P2RX7: variants seen among roughly 807,000 people sequenced by gnomAD.
P2RX7 encodes P2X purinoceptor 7.
Under a neutral mutation model 71.6 loss-of-function variants are expected in P2RX7, and 62 were observed. That is an observed-to-expected ratio of 0.87 (90% CI 0.71 to 1.07). P2RX7 has a LOEUF of 1.07. Ranked by LOEUF, P2RX7 falls within the 50% of genes least tolerant of loss-of-function variation. P2RX7 has a pLI of 0.00. For missense variants in P2RX7, 686 were observed against 748.5 expected, an observed-to-expected ratio of 0.92 and a Z score of 0.97; for synonymous variants, 299 against 283.3, an observed-to-expected ratio of 1.06 and a Z score of -0.56.
rs764303941 is a variant in P2RX7 at position 121,165,404 on chromosome 12, A to T, written c.581A>T (p.Asn194Ile). The T allele has an allele frequency of 1.9e-6, 3 of 1,614,012 alleles. No homozygotes were observed. The highest frequency in any genetic ancestry group is 2.7e-5 in the African/African-American group (2 of 74,922). Residue 194 changes from asparagine (N) to isoleucine (I), a missense_variant, in exon 6 of 13, where the codon AAC (asparagine) becomes ATC (isoleucine). Coordinates refer to ENST00000328963, the MANE Select transcript of P2RX7 (RefSeq NM_002562.6). ...SAENFTVLIK[N>I]NIDFPGHNYT... ...GAAAACTTCACTGTGCTCATCAAGA[A>T]CAATATCGACTTCCCCGGCCACAAC...
intron 1 of P2RX7, among the ~76,000 whole-genome samples, chr12:121,147,094 T>C (rs1876354227): frequency 6.6e-6 from 1 of 152,200 alleles, no homozygotes; most frequent in Non-Finnish European, 1.5e-5. Context: ...ATTAATTGTG[T>C]GGGTTTTTTT....
intron 5 of P2RX7, among the ~76,000 whole-genome samples, chr12:121,163,936 T>TG (rs1379969814): frequency 6.6e-6 from 1 of 152,086 alleles, no homozygotes; most frequent in African/African-American, 2.4e-5. Context: ...AATGCCGGGA[T>TG]GGGGGGTGCG....
intron 1 of P2RX7, among the ~76,000 whole-genome samples, chr12:121,151,429 G>A (rs1317169997): frequency 6.6e-6 from 1 of 151,934 alleles, no homozygotes; most frequent in Middle Eastern, 3.2e-3. Flanking sequence ...TAGAGACGGG[G>A]TTTGGCCAGG....
Position 121,174,512 on chromosome 12 carries a change from C to A in P2RX7, c.882-876C>A, listed in dbSNP as rs546967749. On this transcript the variant is annotated intron_variant, in intron 8 of 12. Coordinates refer to ENST00000328963, the MANE Select transcript of P2RX7 (RefSeq NM_002562.6). ...CTCCAACCTGGGTGACAGAACAAGA[C>A]CCCACCTCAAAACAAAACAAAACAA... is the stretch of plus-strand genomic sequence containing the variant. Among the ~76,000 whole-genome samples, 3 of 152,136 alleles carry A rather than the reference C, an allele frequency of 2.0e-5. No individual in the cohort carries two copies. The East Asian group carries it at 5.8e-4, about 29-fold the overall frequency.
rs1212646520 is a variant in P2RX7 at position 121,167,574 on chromosome 12, C to A, written c.831C>A (p.Arg277=). The A allele has an allele frequency of 1.1e-5, 18 of 1,611,928 alleles. No homozygotes were observed. The highest frequency in any genetic ancestry group is 1.5e-5 in the Non-Finnish European group (18 of 1,178,964). The change falls in exon 8 of 13, where the codon CGC becomes CGA. Residue 277 remains arginine, a synonymous_variant. Transcript: ENST00000328963. ...HHCRPKYSFR[R]LDDKTTNVSL... is the part of the protein sequence containing the mutation. ...GCCGTCCCAAATACAGTTTCCGTCG[C>A]CTTGACGACAAGACCACCAACGTGT...
intron 1 of P2RX7, among the ~76,000 whole-genome samples, chr12:121,138,541 G>A (rs922547062): frequency 4.6e-5 from 7 of 152,244 alleles, no homozygotes; most frequent in African/African-American, 1.7e-4. Context: ...AGCCGTGTGA[G>A]CCCTACGTGA....
chr12:121,154,726 T>G lies in P2RX7; in HGVS notation c.126-59T>G. On this transcript the variant is annotated intron_variant, in intron 1 of 12. Coordinates refer to ENST00000328963, the MANE Select transcript of P2RX7 (RefSeq NM_002562.6). The surrounding 1 kb of genome is among the most constrained non-coding windows in gnomAD (Gnocchi z 4.2). Reference sequence around the variant, plus strand: ...AGAAGTGCCTGCATCCTCCAACGCCTGCATCCCAACCCGCTGTGCTATGCC... The same window carrying G: ...AGAAGTGCCTGCATCCTCCAACGCCGGCATCCCAACCCGCTGTGCTATGCC... 2 of 1,140,630 alleles carry G rather than the reference T, an allele frequency of 1.8e-6. No individual in the cohort carries two copies. Among genetic ancestry groups the G allele is most frequent in the South Asian group, 2.4e-5 (2 of 81,776 alleles). 70.7% of individuals were successfully genotyped at this position (1,140,630 alleles called of 1,614,324 possible).
At chr12:121,162,716 T>G (rs1880002845) in intron 5 of P2RX7, among the ~76,000 whole-genome samples, 196 bp downstream of exon 5, 1 of 152,138 alleles carries the variant, frequency 6.6e-6, no homozygotes, top group African/African-American at 2.4e-5. Context: ...GTTGGTAAAC[T>G]GTTGTAACAC....
At position 121,149,573 on chromosome 12, in the gene P2RX7, C is replaced by T. The variant is rs1027192456; in HGVS notation, c.126-5212C>T. On this transcript the variant is annotated intron_variant, in intron 1 of 12. Coordinates refer to ENST00000328963, the MANE Select transcript of P2RX7 (RefSeq NM_002562.6). This position sits in a 1 kb window ranked among gnomAD's most constrained non-coding sequence, Gnocchi z 4.7. ...TATCACGAGAACAGTATGGGGGAAA[C>T]TGCCCCCATGATTCAATTATCTCCC... Among the ~76,000 whole-genome samples the T allele has an allele frequency of 5.3e-5, 8 of 152,150 alleles. No homozygotes were observed. Among genetic ancestry groups the T allele is most frequent in the Admixed American group, 1.3e-4 (2 of 15,276 alleles).
At chr12:121,156,994 C>T (rs907327783) in intron 3 of P2RX7, among the ~76,000 whole-genome samples, 1 of 152,146 alleles carries the variant, frequency 6.6e-6, no homozygotes, top group African/African-American at 2.4e-5. Flanking sequence ...TCTCTAAAAA[C>T]AAAACAAAAC....
chr12:121,154,812 C>G lies in P2RX7; in HGVS notation c.153C>G (p.Tyr51Ter). The G allele has an allele frequency of 6.2e-7, 1 of 1,613,748 alleles. No individual in the cohort carries two copies. Residue 51 changes from tyrosine to a stop codon, truncating the protein, a stop_gained, in exon 2 of 13, where the codon TAC (tyrosine) becomes TAG (stop). Transcript: ENST00000328963. LOFTEE classifies it high-confidence loss of function. This position sits in a 1 kb window ranked among gnomAD's most constrained non-coding sequence, Gnocchi z 4.2. ...VCFALVSDKL[Y>*]QRKEPVISSV... Reference sequence around the variant, plus strand: ...TTGCTCTGGTGAGTGACAAGCTGTACCAGCGGAAAGAGCCTGTCATCAGTT... The same window carrying G: ...TTGCTCTGGTGAGTGACAAGCTGTAGCAGCGGAAAGAGCCTGTCATCAGTT...
chr12:121,177,149 A>T lies in P2RX7; in HGVS notation c.975A>T (p.Gly325=). 1 of 1,613,990 alleles carries T rather than the reference A, an allele frequency of 6.2e-7. No homozygotes were observed. Among genetic ancestry groups the T allele is most frequent in the Non-Finnish European group, 8.5e-7 (1 of 1,179,852 alleles). Residue 325 remains glycine (G), a splice_region_variant and synonymous_variant, in exon 10 of 13, where the codon GGA becomes GGT. Coordinates refer to ENST00000328963, the MANE Select transcript of P2RX7 (RefSeq NM_002562.6). ...AAACTCTCCCACTCTGTTTTTAGGG[A>T]GGAAAATTTGACATTATCCAGCTGG... ...IRFDILVFGT[G]GKFDIIQLVV...
chr12:121,166,579 C>T (rs572579977), intron 7 of P2RX7, among the ~76,000 whole-genome samples: 14 of 152,262 alleles, frequency 9.2e-5, no homozygotes, highest in Non-Finnish European at 2.1e-4. Context: ...AGCTGCATTC[C>T]TTGCATTTCT....
intron 1 of P2RX7, among the ~76,000 whole-genome samples, chr12:121,150,228 G>A (rs757194656): frequency 1.7e-4 from 26 of 152,120 alleles, no homozygotes; most frequent in Non-Finnish European, 1.0e-4. Flanking sequence ...TGTCTTTGAC[G>A]CAGCTCTGAA....
intron 7 of P2RX7, among the ~76,000 whole-genome samples, chr12:121,167,232 G>A (rs1448195056): frequency 6.6e-6 from 1 of 151,942 alleles, no homozygotes; most frequent in African/African-American, 2.4e-5. Context: ...GTACAGGAGT[G>A]GTCTGTTGAA....
chr12:121,146,213 T>C (rs1226315992), intron 1 of P2RX7, among the ~76,000 whole-genome samples: 1 of 145,900 alleles, frequency 6.9e-6, no homozygotes, highest in Non-Finnish European at 1.5e-5. Flanking sequence ...GGCCCTGTGC[T>C]CCCAGCCTGG....
chr12:121,166,179 G>A lies in P2RX7; in HGVS notation c.736G>A (p.Ala246Thr). ...AACAGGCGATAATTTTTCAGATGTG[G>A]CAATTCAGGTTGGTGGTGCTTTGTA... ...RETGDNFSDV[A>T]IQGGIMGIEI... Residue 246 changes from alanine (A) to threonine (T), a missense_variant, in exon 7 of 13, where the codon GCA becomes ACA. By Grantham distance (58) the Ala-to-Thr change is moderately conservative. Transcript: ENST00000328963. 2 of 1,613,202 alleles carry A rather than the reference G, an allele frequency of 1.2e-6. No homozygotes were observed. Among genetic ancestry groups the A allele is most frequent in the African/African-American group, 2.7e-5 (2 of 75,002 alleles).
chr12:121,157,150 G>A (rs554098705), intron 3 of P2RX7, among the ~76,000 whole-genome samples: 29 of 152,266 alleles, frequency 1.9e-4, no homozygotes, highest in Admixed American at 3.9e-4. Flanking sequence ...CTCAGGTAAC[G>A]TAACTGTGCT....
Position 121,184,339 on chromosome 12 carries a change from T to C in P2RX7, c.1325T>C (p.Leu442Pro), listed in dbSNP as rs962030324. 1 of 1,613,148 alleles carries C rather than the reference T, an allele frequency of 6.2e-7. No individual in the cohort carries two copies. Among genetic ancestry groups the C allele is most frequent in the African/African-American group, 1.3e-5 (1 of 75,050 alleles). ...PAMDFTDLSRLPLALHDTPPI... is the reference protein window; with the variant it reads ...PAMDFTDLSRPPLALHDTPPI... ...ATGGACTTCACAGATTTGTCCAGGC[T>C]GCCCCTGGCCCTCCATGACACACCC... is the stretch of plus-strand genomic sequence containing the variant. Residue 442 changes from leucine (L) to proline (P), a missense_variant, in exon 13 of 13, where the codon CTG becomes CCG. Coordinates refer to ENST00000328963, the MANE Select transcript of P2RX7 (RefSeq NM_002562.6).
Sources: allele counts gnomAD v4.1 joint callset (sites outside exome capture counted in the v4.1 genomes callset), GRCh38; gene constraint gnomAD v4.1.1; non-coding constraint Gnocchi (gnomAD v3.1); transcripts MANE v1.5; gene names NCBI Gene and HGNC (gene_info 2026-07-23, HGNC 2026-07-21).